LTBP2: variants seen among roughly 807,000 people sequenced by gnomAD.
LTBP2 encodes the protein latent-transforming growth factor beta-binding protein 2.
LTBP2 carries 103 observed loss-of-function variants against 210.6 expected under a neutral mutation model. That is an observed-to-expected ratio of 0.49 (90% CI 0.42 to 0.58). The LOEUF is 0.58. Among genes scored for constraint, LTBP2 ranks in the 20% least tolerant of loss-of-function variants. LTBP2 has a pLI of 0.00. For synonymous variants in LTBP2, 1,007 were observed against 1,015.0 expected (o/e 0.99, Z 0.15); for missense variants, 2,313 against 2,494.5 (o/e 0.93, Z 1.55).
At chr14:74,608,353 G>C (rs1261414170) in intron 1 of LTBP2, among the ~76,000 whole-genome samples, 1 of 152,118 alleles carries the variant, frequency 6.6e-6, no homozygotes, top group Non-Finnish European at 1.5e-5. Flanking sequence ...AATAATAACA[G>C]AACAAGAGGG....
chr14:74,521,467 C>T (rs1380675193), intron 17 of LTBP2, among the ~76,000 whole-genome samples: 3 of 152,124 alleles, frequency 2.0e-5, no homozygotes, highest in African/African-American at 7.2e-5. Context: ...CTACAAGTGC[C>T]TCCAAGCTGC....
intron 4 of LTBP2, 76 bp downstream of exon 4, chr14:74,555,427 A>G: frequency 6.7e-7 from 1 of 1,485,096 alleles, no homozygotes; most frequent in Admixed American, 1.7e-5. Context: ...CTGTGAGAGC[A>G]GAGGGGGAAG....
intron 3 of LTBP2, 75 bp downstream of exon 3, chr14:74,585,779 A>G: frequency 6.2e-7 from 1 of 1,608,720 alleles, no homozygotes; most frequent in East Asian, 2.2e-5. Flanking sequence ...CCTTCACCAA[A>G]CGGTCCAAAG....
In LTBP2 at chr14:74,612,179, C is replaced by A. The variant is rs887646343; in HGVS notation, c.-235G>T. The stretch of plus-strand genomic sequence containing the variant: ...TGGGCTCGCACGGCTGCTGCACCTT[C>A]GCGCCTCCTCCCTGTGCCTGCAGCC... On this transcript the variant is annotated 5_prime_UTR_variant, in exon 1 of 36. Coordinates refer to ENST00000261978, the MANE Select transcript of LTBP2 (RefSeq NM_000428.3). 1 of 497,170 alleles carries A rather than the reference C, an allele frequency of 2.0e-6. No individual in the cohort carries two copies. The highest frequency in any genetic ancestry group is 3.5e-6 in the Non-Finnish European group (1 of 286,650). 30.8% of individuals were successfully genotyped at this position (497,170 alleles called of 1,614,324 possible).
chr14:74,604,164 C>CAAAAAAAAAAAAAA (rs59313477), intron 1 of LTBP2, among the ~76,000 whole-genome samples: 31 of 72,732 alleles, frequency 4.3e-4, no homozygotes, highest in African/African-American at 2.2e-3. Flanking sequence ...TGCCTCTCAC[C>CAAAAAAAAAAAAAA]AAAAAAAAAA....
intron 33 of LTBP2, 35 bp from the exon 34 acceptor site, chr14:74,502,969 T>C (rs994500435): frequency 1.2e-6 from 2 of 1,605,376 alleles, no homozygotes; most frequent in Non-Finnish European, 1.7e-6. Context: ...AGCTGGGTTC[T>C]AGCTCCTGCC....
rs2087719741 is a variant in LTBP2, at chr14:74,555,675, GC to G, written c.848del (p.Ser283ThrfsTer60). 1 of 1,556,122 alleles carries G rather than the reference GC, an allele frequency of 6.4e-7. No homozygotes were observed. The highest frequency in any genetic ancestry group is 1.8e-5 in the Admixed American group (1 of 54,960). ...CGTGCTGCTGGGAAGGGTGGGTCTG[GC>G]TGAGGCCACTCAGGGTCCTGTGGAG... ...SPPAGTLSGL[S>X]QTHPSQQHVG... On this transcript the variant is annotated frameshift_variant, in exon 4 of 36. Transcript: ENST00000261978. LOFTEE classifies it high-confidence loss of function.
rs902515153 is a variant in LTBP2 at position 74,586,768 on chromosome 14, C to T, written c.566-650G>A. 1.3e-4 allele frequency among the ~76,000 whole-genome samples: 20 copies of T among 152,182 alleles called. No individual in the cohort carries two copies. The highest frequency in any genetic ancestry group is 2.5e-4 in the Non-Finnish European group (17 of 68,026). Reference sequence around the variant, plus strand: ...GGTCTCTCCTCTCCTTCCCATTGTTCTCCATCTCCCACCCTCCTTAGCAAG... The same window carrying T: ...GGTCTCTCCTCTCCTTCCCATTGTTTTCCATCTCCCACCCTCCTTAGCAAG... On this transcript the variant is annotated intron_variant, in intron 2 of 35. Coordinates refer to ENST00000261978, the MANE Select transcript of LTBP2 (RefSeq NM_000428.3). This position sits in a 1 kb window ranked among gnomAD's most constrained non-coding sequence, Gnocchi z 4.6.
chr14:74,526,005 T>C (rs1595253613), intron 14 of LTBP2, 70 bp downstream of exon 14: 4 of 1,480,024 alleles, frequency 2.7e-6, no homozygotes, highest in Non-Finnish European at 2.8e-6. Context: ...ACATAGTAAC[T>C]CCACTCCTGA....
At chr14:74,516,697 G>A (rs572286461) in intron 18 of LTBP2, 125 bp downstream of exon 18, 9 of 1,274,922 alleles carry the variant, frequency 7.1e-6, no homozygotes, top group East Asian at 2.5e-5. Context: ...GTCCATAGAC[G>A]TGGGCTCAGC....
At chr14:74,513,999 C>T (rs758221900) in intron 18 of LTBP2, among the ~76,000 whole-genome samples, 4 of 152,160 alleles carry the variant, frequency 2.6e-5, no homozygotes, top group Non-Finnish European at 4.4e-5. Context: ...ATTCTCCACC[C>T]GAGCCAGGGA....
At chr14:74,551,935 T>G (rs1325093621) in intron 6 of LTBP2, among the ~76,000 whole-genome samples, 3 of 152,338 alleles carry the variant, frequency 2.0e-5, no homozygotes, top group African/African-American at 7.2e-5. Context: ...ACCCTGCCCT[T>G]ACACTGTTTT....
At chr14:74,553,994 C>T (rs1397617262) in intron 4 of LTBP2, among the ~76,000 whole-genome samples, 4 of 144,672 alleles carry the variant, frequency 2.8e-5, no homozygotes, top group African/African-American at 5.2e-5. Flanking sequence ...CAATTGTACA[C>T]GTTGAGGGGA....
chr14:74,588,770 T>C (rs1409369287), intron 2 of LTBP2, among the ~76,000 whole-genome samples: 1 of 152,212 alleles, frequency 6.6e-6, no homozygotes, highest in Non-Finnish European at 1.5e-5. Flanking sequence ...CAGGTGTGAC[T>C]ATGATTCCCA....
Position 74,504,850 on chromosome 14 carries a change from C to T in LTBP2, c.4381G>A (p.Glu1461Lys), listed in dbSNP as rs1227076399. The stretch of plus-strand genomic sequence containing the variant: ...TAGCCTTTTCCACTAGGGCAGATCT[C>T]GCTGAATTCAGCTATGTAGAGAGGC... The part of the protein sequence containing the change: ...CPSEDSAEFS[E>K]ICPSGKGYIP... Residue 1461 changes from glutamate (E) to lysine (K), a missense_variant, in exon 30 of 36, where the codon GAG (glutamate) becomes AAG (lysine). Glu to Lys is a moderately conservative substitution (Grantham distance 56). Around this residue, in one of 3 missense-constraint regions of LTBP2, gnomAD observed 443 missense variants for 501.4 expected, o/e 0.88. Transcript: ENST00000261978. 2.0e-5 allele frequency: 33 copies of T among 1,614,106 alleles called. No individual in the cohort carries two copies. Among genetic ancestry groups the T allele is most frequent in the Admixed American group, 6.7e-5 (4 of 60,016 alleles).
At chr14:74,579,358 C>G (rs1476647666) in intron 3 of LTBP2, among the ~76,000 whole-genome samples, 1 of 152,210 alleles carries the variant, frequency 6.6e-6, no homozygotes, top group Non-Finnish European at 1.5e-5. Flanking sequence ...GGAGCAGAGT[C>G]CCTGTGCTCC....
chr14:74,510,203 C>T lies in LTBP2; in HGVS notation c.3039G>A (p.Glu1013=). ...GGGCACAGACCCCGGGAGTCAGACA[C>T]TCATTCACATCTGTGGGAGAGAAGT... ...GQSGSCVDVN[E]CLTPGVCAHG... is the part of the protein sequence containing the mutation. Residue 1013 remains glutamate (E), a synonymous_variant, in exon 20 of 36, where the codon GAG becomes GAA. Transcript: ENST00000261978. 1 of 1,613,778 alleles carries T rather than the reference C, an allele frequency of 6.2e-7. No homozygotes were observed. The highest frequency in any genetic ancestry group is 8.5e-7 in the Non-Finnish European group (1 of 1,179,998).
At chr14:74,590,985 G>A (rs1403413086) in intron 2 of LTBP2, among the ~76,000 whole-genome samples, 1 of 152,154 alleles carries the variant, frequency 6.6e-6, no homozygotes, top group Non-Finnish European at 1.5e-5. Context: ...TACTCCAAAA[G>A]CTATTGAAAT....
At position 74,505,127 on chromosome 14, in the gene LTBP2, TG is replaced by T; in HGVS notation, c.4224del (p.Thr1409ProfsTer82). 6.2e-7 allele frequency: 1 copy of T among 1,613,790 alleles called. No individual in the cohort carries two copies. On this transcript the variant is annotated frameshift_variant, in exon 29 of 36. Transcript: ENST00000261978. LOFTEE classifies it high-confidence loss of function. ...EAPTGDHAPA[P>X]TRMDCYSGQK... ...TGCCCGGAGTAGCAGTCCATGCGGG[TG>T]GGGGCCGGGGCATGGTCCCCCGTTG...
Sources: gnomAD v4.1 joint callset for allele counts (sites outside exome capture counted in the v4.1 genomes callset) on GRCh38, gnomAD v4.1.1 for gene constraint, gnomAD v4.1.1 regional missense constraint, Gnocchi (gnomAD v3.1) non-coding constraint, MANE v1.5 for transcripts, NCBI Gene and HGNC (gene_info 2026-07-23, HGNC 2026-07-21) for gene names.